Variants in KCNJ12 observed in about 807,000 individuals in gnomAD.
KCNJ12 encodes the protein ATP-sensitive inward rectifier potassium channel 12.
Under a neutral mutation model 22.3 loss-of-function variants are expected in KCNJ12, and 2 were observed. The observed-to-expected ratio is 0.09, with a 90% CI of 0.04 to 0.28. KCNJ12 has a LOEUF of 0.28. Ranked by LOEUF, KCNJ12 falls within the 10% of genes least tolerant of loss-of-function variation. The pLI is 1.00. For synonymous variants in KCNJ12, 117 were observed against 261.4 expected, an observed-to-expected ratio of 0.45 and a Z score of 5.33; for missense variants, 155 against 633.3, an observed-to-expected ratio of 0.24 and a Z score of 8.11.
intron 1 of KCNJ12, among the ~76,000 whole-genome samples, chr17:21,406,662 G>A (rs1457565193): frequency 2.0e-5 from 3 of 152,304 alleles, no homozygotes; most frequent in Non-Finnish European, 4.4e-5. Flanking sequence ...AGCTTATGAG[G>A]GGCAGAGCTG....
chr17:21,412,471 A>G (rs1906416549), intron 2 of KCNJ12, among the ~76,000 whole-genome samples: 1 of 152,304 alleles, frequency 6.6e-6, no homozygotes, highest in East Asian at 1.9e-4. Context: ...TGGAGCAGCC[A>G]TGACCCGCTG....
At chr17:21,407,872 A>G (rs1264799006) in intron 1 of KCNJ12, among the ~76,000 whole-genome samples, 3 of 150,960 alleles carry the variant, frequency 2.0e-5, no homozygotes, top group Admixed American at 2.0e-4. Context: ...ACACCCAACC[A>G]CTCATTCACC....
intron 1 of KCNJ12, among the ~76,000 whole-genome samples, chr17:21,379,265 G>A (rs1302475596): frequency 5.3e-5 from 8 of 152,362 alleles, no homozygotes; most frequent in Middle Eastern, 3.4e-3. Context: ...AGTACCAAGC[G>A]TGGCACCCGG....
rs1904673681 is a variant in KCNJ12 at position 21,376,880 on chromosome 17, C to G, written c.-212C>G. 6.6e-6 allele frequency: 1 copy of G among 151,252 alleles called. No individual in the cohort carries two copies. The highest frequency in any genetic ancestry group is 2.4e-5 in the African/African-American group (1 of 41,232). 9.4% of individuals were successfully genotyped at this position (151,252 alleles called of 1,614,324 possible). A position where few individuals can be genotyped will look rare whatever the true frequency, so the allele number is the denominator to read the frequency against. ...GAACGGCCGCCCGGAGCTTGGAGGA[C>G]GCCGAGCGCGCCGCGCCCGGGCCAC... On this transcript the variant is annotated 5_prime_UTR_variant, in exon 1 of 3. Coordinates refer to ENST00000583088, the MANE Select transcript of KCNJ12 (RefSeq NM_021012.5). This position sits in a 1 kb window ranked among gnomAD's most constrained non-coding sequence, Gnocchi z 5.3.
chr17:21,384,562 C>G (rs1325945934), intron 1 of KCNJ12, among the ~76,000 whole-genome samples: 1 of 152,072 alleles, frequency 6.6e-6, no homozygotes, highest in East Asian at 1.9e-4. Context: ...GAACCTGGCT[C>G]CCACTCAGGG....
chr17:21,415,191 G>T, intron 2 of KCNJ12, 96 bp from the exon 3 acceptor site: 1 of 1,320,936 alleles, frequency 7.6e-7, no homozygotes, highest in Non-Finnish European at 1.0e-6. Flanking sequence ...CAATCAGGGT[G>T]GAAGCGTCCT....
At chr17:21,382,656 T>G (rs1229700079) in intron 1 of KCNJ12, among the ~76,000 whole-genome samples, 9 of 152,324 alleles carry the variant, frequency 5.9e-5, no homozygotes, top group African/African-American at 2.2e-4. Context: ...CCTCCTCCCC[T>G]GGATGTCCAT....
chr17:21,396,343 C>A (rs1197057686), intron 1 of KCNJ12, among the ~76,000 whole-genome samples: 1 of 152,208 alleles, frequency 6.6e-6, no homozygotes, highest in African/African-American at 2.4e-5. Context: ...CGAGCCAGCT[C>A]GCCGCAAAGC....
At chr17:21,382,735 C>T (rs1278257856) in intron 1 of KCNJ12, among the ~76,000 whole-genome samples, 1 of 152,146 alleles carries the variant, frequency 6.6e-6, no homozygotes, top group Non-Finnish European at 1.5e-5. Flanking sequence ...TCCTGGGCCT[C>T]AGCCAGGTGT....
At chr17:21,387,154 T>C (rs1304017118) in intron 1 of KCNJ12, among the ~76,000 whole-genome samples, 1 of 146,838 alleles carries the variant, frequency 6.8e-6, no homozygotes, top group Non-Finnish European at 1.5e-5. Flanking sequence ...AGACTCCGTC[T>C]CAAAAACAAA....
intron 1 of KCNJ12, among the ~76,000 whole-genome samples, chr17:21,402,420 C>T (rs1322256287): frequency 2.0e-5 from 3 of 152,424 alleles, no homozygotes; most frequent in Middle Eastern, 3.4e-3. Context: ...ATAGTAGAGG[C>T]TGGGCAGACG....
chr17:21,389,416 T>C (rs552392174), intron 1 of KCNJ12, among the ~76,000 whole-genome samples: 1 of 152,218 alleles, frequency 6.6e-6, no homozygotes, highest in Non-Finnish European at 1.5e-5. Context: ...ATGGCCTCTC[T>C]CCATGTGTAC....
Position 21,415,724 on chromosome 17 carries a change from C to A in KCNJ12, c.382C>A (p.His128Asn). Residue 128 changes from histidine (H) to asparagine (N), a missense_variant, in exon 3 of 3, where the codon CAC becomes AAC. By Grantham distance (68) the His-to-Asn change is moderately conservative. Transcript: ENST00000583088. ...RGRTPCVMQVHGFMAAFLFSI... is the reference protein window; with the variant it reads ...RGRTPCVMQVNGFMAAFLFSI... ...CCGCACACCCTGTGTGATGCAGGTG[C>A]ACGGCTTCATGGCGGCCTTCCTCTT... 6.2e-7 allele frequency: 1 copy of A among 1,613,120 alleles called. No individual in the cohort carries two copies. The highest frequency in any genetic ancestry group is 8.5e-7 in the Non-Finnish European group (1 of 1,179,912).
At position 21,416,189 on chromosome 17, in the gene KCNJ12, A is replaced by T; in HGVS notation, c.847A>T (p.Ile283Phe). The T allele has an allele frequency of 6.2e-7, 1 of 1,612,458 alleles. No homozygotes were observed. ...EIDEASPLFG[I>F]SRQDLETDDF... Reference sequence around the variant, plus strand: ...TGACGAGGCCAGCCCGCTCTTCGGCATCAGCCGGCAGGACCTGGAGACGGA... The same window carrying T: ...TGACGAGGCCAGCCCGCTCTTCGGCTTCAGCCGGCAGGACCTGGAGACGGA... Residue 283 changes from isoleucine to phenylalanine, a missense_variant, in exon 3 of 3, where the codon ATC becomes TTC. By Grantham distance (21) the Ile-to-Phe change is conservative (BLOSUM62 0). Transcript: ENST00000583088.
At chr17:21,392,842 T>C (rs923776874) in intron 1 of KCNJ12, among the ~76,000 whole-genome samples, 1 of 152,156 alleles carries the variant, frequency 6.6e-6, no homozygotes, top group African/African-American at 2.4e-5. Flanking sequence ...ACCTTGATGG[T>C]GTGCCTGCAG....
intron 1 of KCNJ12, among the ~76,000 whole-genome samples, chr17:21,380,811 AGATGGCAGTGGG>A (rs1904840531): frequency 6.7e-6 from 1 of 150,202 alleles, no homozygotes; most frequent in African/African-American, 2.5e-5. Flanking sequence ...AGTGGGCCCC[AGATGGCAGTGGG>A]CCCCAGATGG....
intron 1 of KCNJ12, among the ~76,000 whole-genome samples, chr17:21,402,080 A>C (rs2142063077): frequency 6.6e-6 from 1 of 152,288 alleles, no homozygotes; most frequent in African/African-American, 2.4e-5. Flanking sequence ...TCCCTTTCTG[A>C]GCTGTGTGCT....
Position 21,408,536 on chromosome 17 carries a change from A to G in KCNJ12, c.-161A>G, listed in dbSNP as rs1159781519. On this transcript the variant is annotated 5_prime_UTR_variant, in exon 2 of 3. Coordinates refer to ENST00000583088, the MANE Select transcript of KCNJ12 (RefSeq NM_021012.5). ...AACTTTAGGATGTTCTAGTGACTGG[A>G]TCCTTTCCAGTTGGTGCCTGGGAAA... 1 of 152,520 alleles carries G rather than the reference A, an allele frequency of 6.6e-6. No homozygotes were observed. Among genetic ancestry groups the G allele is most frequent in the Admixed American group, 6.5e-5 (1 of 15,310 alleles). The allele number at this position is 152,520 out of a possible 1,614,324, so 9.4% of individuals were successfully genotyped here.
chr17:21,381,764 T>C (rs1317646849), intron 1 of KCNJ12, among the ~76,000 whole-genome samples: 2 of 152,228 alleles, frequency 1.3e-5, no homozygotes, highest in Admixed American at 1.3e-4. Flanking sequence ...ATATTTTATT[T>C]GCTGATCTTG....
Sources: gnomAD v4.1 joint callset for allele counts (sites outside exome capture counted in the v4.1 genomes callset) on GRCh38, gnomAD v4.1.1 for gene constraint, Gnocchi (gnomAD v3.1) non-coding constraint, MANE v1.5 for transcripts, NCBI Gene and HGNC (gene_info 2026-07-23, HGNC 2026-07-21) for gene names.